The following SCARB2 variants were observed in gnomAD, a reference collection of about 807,000 sequenced individuals.
SCARB2 encodes the protein scavenger receptor class B member 2.
SCARB2 carries 29 observed loss-of-function variants against 58.6 expected under a neutral mutation model. The observed-to-expected ratio is 0.49, with a 90% CI of 0.37 to 0.67. The LOEUF is 0.67. Among genes scored for constraint, SCARB2 ranks in the 30% least tolerant of loss-of-function variants. The pLI, the probability that SCARB2 is intolerant of heterozygous loss-of-function variation, is 0.00. For missense variants in SCARB2, 488 were observed against 578.5 expected (o/e 0.84, Z 1.60); for synonymous variants, 195 against 210.1 (o/e 0.93, Z 0.62).
intron 2 of SCARB2, among the ~76,000 whole-genome samples, chr4:76,185,676 A>C (rs943705880): frequency 3.9e-5 from 6 of 152,244 alleles, no homozygotes; most frequent in Non-Finnish European, 5.9e-5. Context: ...CTAATTCCTC[A>C]GAGGTGTTTG....
chr4:76,217,118 T>G (rs1278644328), upstream of SCARB2, among the ~76,000 whole-genome samples: 1 of 152,210 alleles, frequency 6.6e-6, no homozygotes, highest in East Asian at 1.9e-4. Context: ...TAATTGGCAT[T>G]GTTAGTTTAT....
At chr4:76,220,186 A>T (rs1707158898) in intron 1 of SCARB2, among the ~76,000 whole-genome samples, 1 of 152,216 alleles carries the variant, frequency 6.6e-6, no homozygotes, top group Non-Finnish European at 1.5e-5. Context: ...GAAGACAGGT[A>T]CTCAAACAAA....
intron 2 of SCARB2, among the ~76,000 whole-genome samples, chr4:76,182,418 AAATAT>A (rs1490751848): frequency 6.6e-6 from 1 of 152,230 alleles, no homozygotes; most frequent in Non-Finnish European, 1.5e-5. Flanking sequence ...GGTAAAATTA[AAATAT>A]ATTATCAAAA....
chr4:76,191,328 G>A (rs1464466014), intron 2 of SCARB2, among the ~76,000 whole-genome samples: 1 of 152,012 alleles, frequency 6.6e-6, no homozygotes, highest in Non-Finnish European at 1.5e-5. Context: ...ATTAATCTAC[G>A]AAGACCAATA....
chr4:76,190,694 G>C (rs1279627490), intron 2 of SCARB2, among the ~76,000 whole-genome samples: 2 of 152,146 alleles, frequency 1.3e-5, no homozygotes. Context: ...TGAGGCAGAA[G>C]AATCACTTGA....
At chr4:76,192,768 C>T (rs1277475070) in intron 2 of SCARB2, 1 of 152,110 alleles carries the variant, frequency 6.6e-6, no homozygotes, top group Non-Finnish European at 1.5e-5. Flanking sequence ...AGGGGGAACC[C>T]TTGAGCCCAG....
intron 1 of SCARB2, among the ~76,000 whole-genome samples, chr4:76,212,877 A>G (rs1160420882): frequency 6.6e-6 from 1 of 152,244 alleles, no homozygotes; most frequent in Admixed American, 6.5e-5. Context: ...AAAGCCACTA[A>G]GTCAGCGTTC....
chr4:76,174,286 A>T lies in SCARB2; in HGVS notation c.852T>A (p.Tyr284Ter), dbSNP rs1450703380. 6.2e-7 allele frequency: 1 copy of T among 1,613,996 alleles called. No individual in the cohort carries two copies. Among genetic ancestry groups the T allele is most frequent in the Non-Finnish European group, 8.5e-7 (1 of 1,179,924 alleles). ...CRSVYITFSD[Y>*]ESVQGLPAFR... is the part of the protein sequence containing the mutation. ...AGGCAGGCAGTCCCTGTACACTCTC[A>T]TAGTCACTGAAAGTAATATACACTG... Residue 284 changes from tyrosine (Y) to a stop codon, truncating the protein, a stop_gained, in exon 7 of 12, where the codon TAT (tyrosine) becomes TAA (stop). Coordinates refer to ENST00000264896, the MANE Select transcript of SCARB2 (RefSeq NM_005506.4). LOFTEE classifies it high-confidence loss of function.
intron 1 of SCARB2, among the ~76,000 whole-genome samples, chr4:76,198,342 C>T (rs1201416827): frequency 6.6e-6 from 1 of 152,184 alleles, no homozygotes; most frequent in Non-Finnish European, 1.5e-5. Flanking sequence ...TGGCATCCAG[C>T]TTTTAGGCAA....
At chr4:76,213,286 C>A in intron 1 of SCARB2, 141 bp downstream of exon 1, 1 of 715,692 alleles carries the variant, frequency 1.4e-6, no homozygotes, top group Admixed American at 2.0e-5. Flanking sequence ...CCTACCAAGC[C>A]CTGGAAGACA....
chr4:76,213,762 G>T lies in SCARB2; in HGVS notation c.-219C>A. 1 of 447,616 alleles carries T rather than the reference G, an allele frequency of 2.2e-6. No individual in the cohort carries two copies. 27.7% of individuals were successfully genotyped at this position (447,616 alleles called of 1,614,324 possible). On this transcript the variant is annotated 5_prime_UTR_variant, in exon 1 of 12. Transcript: ENST00000264896. Reference sequence around the variant, plus strand: ...ATGGGGCCGCGGAGGGACGGGCCCGGACTCGGTTTCGGTTTCCTTCGCCGG... The same window carrying T: ...ATGGGGCCGCGGAGGGACGGGCCCGTACTCGGTTTCGGTTTCCTTCGCCGG...
intron 7 of SCARB2, among the ~76,000 whole-genome samples, chr4:76,171,108 G>T (rs1252704501): frequency 1.3e-5 from 2 of 151,980 alleles, no homozygotes; most frequent in Admixed American, 1.3e-4. Flanking sequence ...ATTTAAATTT[G>T]CTTACATATT....
chr4:76,166,376 T>C, intron 9 of SCARB2, 75 bp from the exon 10 acceptor site: 1 of 1,419,434 alleles, frequency 7.0e-7, no homozygotes, highest in South Asian at 1.1e-5. Flanking sequence ...CAGACACATT[T>C]ATATGAAGAT....
chr4:76,231,857 A>G (rs966107229), intron 1 of SCARB2, among the ~76,000 whole-genome samples: 9 of 152,214 alleles, frequency 5.9e-5, no homozygotes, highest in African/African-American at 1.9e-4. Context: ...CTGTGTAAAC[A>G]AGGGTATGAG....
At chr4:76,181,739 A>AT (rs988887623) in intron 2 of SCARB2, among the ~76,000 whole-genome samples, 5 of 151,824 alleles carry the variant, frequency 3.3e-5, no homozygotes, top group African/African-American at 1.2e-4. Flanking sequence ...TAATTGTTTT[A>AT]TTTTTTTGTA....
chr4:76,195,438 T>C, intron 2 of SCARB2: 1 of 474,128 alleles, frequency 2.1e-6, no homozygotes, highest in Non-Finnish European at 3.8e-6. Context: ...GGAGTAACCC[T>C]TCATGGTTTA....
chr4:76,163,191 C>T (rs1427266053), intron 11 of SCARB2, 34 bp downstream of exon 11: 2 of 1,613,484 alleles, frequency 1.2e-6, no homozygotes, highest in Non-Finnish European at 1.7e-6. Context: ...TAAAGTTATC[C>T]AGTAAGGAAG....
intron 2 of SCARB2, chr4:76,192,766 C>A (rs886996336): frequency 1.3e-5 from 2 of 152,086 alleles, no homozygotes; most frequent in Non-Finnish European, 2.9e-5. Context: ...GCAGGGGGAA[C>A]CCTTGAGCCC....
At chr4:76,183,296 T>G (rs770114849) in intron 2 of SCARB2, among the ~76,000 whole-genome samples, 6 of 152,220 alleles carry the variant, frequency 3.9e-5, no homozygotes, top group Admixed American at 3.9e-4. Flanking sequence ...TACTTGGACA[T>G]AGCATCAGAT....
Sources: allele counts gnomAD v4.1 joint callset (sites outside exome capture counted in the v4.1 genomes callset), GRCh38; gene constraint gnomAD v4.1.1; transcripts MANE v1.5; gene names NCBI Gene and HGNC (gene_info 2026-07-23, HGNC 2026-07-21).